The following NIBAN1 variants were observed in gnomAD, a reference collection of about 807,000 sequenced individuals.
NIBAN1 encodes protein Niban 1.
A neutral mutation model predicts 75.1 loss-of-function variants in NIBAN1; 81 were observed. The ratio of observed to expected loss-of-function variants is 1.08; its 90% CI spans 0.90 to 1.30. NIBAN1 has a LOEUF of 1.30. NIBAN1 is among the 50% of genes most tolerant of loss of function. The pLI is 0.00. For missense variants in NIBAN1, 1,133 were observed against 1,128.1 expected (o/e 1.00, Z -0.06); for synonymous variants, 436 against 424.8 (o/e 1.03, Z -0.32).
intron 1 of NIBAN1, among the ~76,000 whole-genome samples, chr1:184,919,055 T>C (rs1455079035): frequency 6.6e-6 from 1 of 152,246 alleles, no homozygotes; most frequent in Admixed American, 6.5e-5. Context: ...TTCTTTTTCT[T>C]ACATACTGTG....
At chr1:184,929,890 A>G (rs1201085160) in intron 1 of NIBAN1, among the ~76,000 whole-genome samples, 3 of 152,222 alleles carry the variant, frequency 2.0e-5, no homozygotes, top group African/African-American at 7.2e-5. Context: ...ACATTTCATC[A>G]TCTAACCAAC....
At chr1:184,919,351 A>G (rs566642543) in intron 1 of NIBAN1, among the ~76,000 whole-genome samples, 41 of 152,188 alleles carry the variant, frequency 2.7e-4, no homozygotes, top group Non-Finnish European at 5.9e-4. Context: ...CTTTTCTCCA[A>G]ATCCCATGTG....
chr1:184,817,801 A>G (rs1330087403), intron 9 of NIBAN1, among the ~76,000 whole-genome samples: 1 of 152,242 alleles, frequency 6.6e-6, no homozygotes, highest in Non-Finnish European at 1.5e-5. Flanking sequence ...CTAGCTTAAT[A>G]GTCAGACAAA....
intron 5 of NIBAN1, among the ~76,000 whole-genome samples, chr1:184,841,114 A>G (rs1377529415): frequency 6.6e-6 from 1 of 152,186 alleles, no homozygotes; most frequent in Non-Finnish European, 1.5e-5. Flanking sequence ...CAGAACCAGG[A>G]TCCAAAATGG....
rs753774684 is a variant in NIBAN1, at chr1:184,823,659, G to A, written c.801C>T (p.Asp267=). The change falls in exon 7 of 14, where the codon GAC becomes GAT. Residue 267 remains aspartate, a synonymous_variant. Transcript: ENST00000367511. The part of the protein sequence containing the change: ...LLPKMKGKKN[D]RKRTWLGLLE... ...TTACACCAAGCCACGTCCTCTTTCT[G>A]TCATTCTTCTTCCCCTTCATCTTAG... is the stretch of plus-strand genomic sequence containing the variant. 3.1e-6 allele frequency: 5 copies of A among 1,614,174 alleles called. No homozygotes were observed. The Admixed American group carries it at 5.0e-5, about 16-fold the overall frequency.
chr1:184,872,307 G>A (rs1239853889), intron 5 of NIBAN1, among the ~76,000 whole-genome samples: 1 of 151,718 alleles, frequency 6.6e-6, no homozygotes, highest in Non-Finnish European at 1.5e-5. Flanking sequence ...GGTTAGTAAT[G>A]GATTAAATAC....
rs1001915440 is a variant in NIBAN1 at position 184,913,376 on chromosome 1, C to T, written c.56-14067G>A. On this transcript the variant is annotated intron_variant, in intron 1 of 13. Transcript: ENST00000367511. ...ATGTTCTCAAACTTTTGTGTCTTTG[C>T]CAATGAGAGATGCATCATTTATATA... 1.1e-4 allele frequency among the ~76,000 whole-genome samples: 16 copies of T among 152,012 alleles called. No homozygotes were observed. The East Asian group carries it at 3.1e-3, about 29-fold the overall frequency.
At chr1:184,940,879 G>A (rs904624348) in intron 1 of NIBAN1, among the ~76,000 whole-genome samples, 4 of 152,144 alleles carry the variant, frequency 2.6e-5, no homozygotes, top group Admixed American at 6.5e-5. Context: ...TTCATCATTC[G>A]ATCTGCTTGA....
intron 12 of NIBAN1, among the ~76,000 whole-genome samples, chr1:184,801,901 T>C (rs1654052528): frequency 6.6e-6 from 1 of 152,248 alleles, no homozygotes; most frequent in Admixed American, 6.5e-5. Context: ...AGGTGTTTTA[T>C]ATTGAATTGA....
intron 1 of NIBAN1, among the ~76,000 whole-genome samples, chr1:184,970,117 C>T (rs1658898717): frequency 6.7e-6 from 1 of 150,040 alleles, no homozygotes; most frequent in Middle Eastern, 3.4e-3. Context: ...CTGCAGTGAG[C>T]CATGACTGTC....
chr1:184,961,876 C>A (rs73054660), intron 1 of NIBAN1, among the ~76,000 whole-genome samples: 1 of 152,188 alleles, frequency 6.6e-6, no homozygotes, highest in Non-Finnish European at 1.5e-5. Flanking sequence ...CATTGCTGTG[C>A]GTAAGAATTT....
At chr1:184,937,026 T>G (rs1657979177) in intron 1 of NIBAN1, among the ~76,000 whole-genome samples, 1 of 152,136 alleles carries the variant, frequency 6.6e-6, no homozygotes, top group African/African-American at 2.4e-5. Context: ...TGCTCCTTTC[T>G]TCCTTATACG....
intron 5 of NIBAN1, among the ~76,000 whole-genome samples, chr1:184,862,792 A>G (rs113289089): frequency 1.2e-3 from 183 of 152,010 alleles, no homozygotes; most frequent in African/African-American, 4.3e-3. Context: ...ATATCAGAAT[A>G]TTGATAATTG....
chr1:184,918,324 C>T (rs1267118404), intron 1 of NIBAN1, among the ~76,000 whole-genome samples: 1 of 152,184 alleles, frequency 6.6e-6, no homozygotes, highest in African/African-American at 2.4e-5. Flanking sequence ...CCTAACTTTG[C>T]CTCTAACTGC....
intron 1 of NIBAN1, among the ~76,000 whole-genome samples, chr1:184,930,997 CTT>C (rs200932673): frequency 2.6e-5 from 3 of 114,520 alleles, no homozygotes; most frequent in South Asian, 4.9e-4. Context: ...TTTTCTTCTT[CTT>C]TTTTTTTTTT....
At chr1:184,932,112 A>C (rs1166305132) in intron 1 of NIBAN1, among the ~76,000 whole-genome samples, 3 of 152,212 alleles carry the variant, frequency 2.0e-5, no homozygotes, top group Non-Finnish European at 4.4e-5. Context: ...GAGATGATCT[A>C]GAATAGTGGT....
At chr1:184,867,706 A>G (rs1198297011) in intron 5 of NIBAN1, among the ~76,000 whole-genome samples, 2 of 152,226 alleles carry the variant, frequency 1.3e-5, no homozygotes, top group African/African-American at 4.8e-5. Context: ...TATTCCACTT[A>G]TCCTGGAAAG....
At position 184,898,831 on chromosome 1, in the gene NIBAN1, G is replaced by A. The variant is rs145248080; in HGVS notation, c.186+348C>T. Among the ~76,000 whole-genome samples the A allele has an allele frequency of 2.0e-4, 31 of 152,206 alleles. 1 individual carries two copies. In the East Asian group the frequency reaches 6.0e-3, roughly 29 times the overall value. Reference sequence around the variant, plus strand: ...GGTGGTGGTTACTTATTATAATGGAGCAAAGGAGTAAGAATAAATTAGGGG... The same window carrying A: ...GGTGGTGGTTACTTATTATAATGGAACAAAGGAGTAAGAATAAATTAGGGG... On this transcript the variant is annotated intron_variant, in intron 2 of 13. Coordinates refer to ENST00000367511, the MANE Select transcript of NIBAN1 (RefSeq NM_052966.4).
At chr1:184,861,976 G>A (rs973535707) in intron 5 of NIBAN1, among the ~76,000 whole-genome samples, 1 of 152,134 alleles carries the variant, frequency 6.6e-6, no homozygotes, top group Non-Finnish European at 1.5e-5. Flanking sequence ...CCTTTTATGT[G>A]AAAGAAAAAC....
Sources: gnomAD v4.1 joint callset for allele counts (sites outside exome capture counted in the v4.1 genomes callset) on GRCh38, gnomAD v4.1.1 for gene constraint, MANE v1.5 for transcripts, NCBI Gene and HGNC (gene_info 2026-07-23, HGNC 2026-07-21) for gene names.